The following ECE1 variants were observed in gnomAD, a reference collection of about 807,000 sequenced individuals.
ECE1 encodes endothelin-converting enzyme 1.
In ECE1, 35 loss-of-function variants were observed where a neutral mutation model predicts 98.6. The observed-to-expected ratio is 0.35, with a 90% confidence interval of 0.27 to 0.47. ECE1 has a LOEUF of 0.47. Ranked by LOEUF, ECE1 falls within the 20% of genes least tolerant of loss-of-function variation. ECE1 has a pLI of 1.00. For missense variants in ECE1, 814 were observed against 1,025.3 expected (o/e 0.79, Z 2.81); for synonymous variants, 394 against 407.1 (o/e 0.97, Z 0.39).
intron 8 of ECE1, among the ~76,000 whole-genome samples, chr1:21,253,776 A>C (rs1342703473): frequency 7.6e-6 from 1 of 131,998 alleles, no homozygotes; most frequent in Non-Finnish European, 1.6e-5. Context: ...TTAAAAAAAA[A>C]AAAAGAACCA....
At chr1:21,287,084 G>A (rs1023491443) in intron 2 of ECE1, among the ~76,000 whole-genome samples, 3 of 152,204 alleles carry the variant, frequency 2.0e-5, no homozygotes, top group African/African-American at 7.2e-5. Flanking sequence ...AAAAATGGAA[G>A]TGTTCATTTA....
intron 1 of ECE1, among the ~76,000 whole-genome samples, chr1:21,306,526 G>A (rs957541079): frequency 1.3e-5 from 2 of 152,082 alleles, no homozygotes; most frequent in South Asian, 2.1e-4. Flanking sequence ...TAGTAGGGAC[G>A]GCGTTTCACC....
chr1:21,318,774 GC>G (rs1239927679), intron 1 of ECE1, among the ~76,000 whole-genome samples: 2 of 152,096 alleles, frequency 1.3e-5, no homozygotes, highest in African/African-American at 4.8e-5. Flanking sequence ...GCCTGGCCAG[GC>G]CCCCAGGCAG....
chr1:21,231,638 G>A (rs2103227167), intron 14 of ECE1, among the ~76,000 whole-genome samples: 1 of 152,002 alleles, frequency 6.6e-6, no homozygotes, highest in African/African-American at 2.4e-5. Flanking sequence ...CCCCGTACCT[G>A]GCCAAGAACT....
intron 1 of ECE1, among the ~76,000 whole-genome samples, chr1:21,341,181 A>T (rs1412524619): frequency 1.3e-5 from 2 of 152,252 alleles, no homozygotes; most frequent in African/African-American, 4.8e-5. Flanking sequence ...GACAACAGTA[A>T]TTGCGCTTGT....
intron 1 of ECE1, among the ~76,000 whole-genome samples, chr1:21,318,630 T>C (rs1024003113): frequency 5.3e-5 from 8 of 152,034 alleles, no homozygotes; most frequent in African/African-American, 1.9e-4. Flanking sequence ...CCAGTGAGCC[T>C]TCCTGAGGCC....
intron 13 of ECE1, among the ~76,000 whole-genome samples, chr1:21,234,958 T>C (rs1172759157): frequency 1.3e-5 from 2 of 152,198 alleles, no homozygotes; most frequent in Non-Finnish European, 2.9e-5. Context: ...AGTCTCATGA[T>C]CTCAGAATGA....
At chr1:21,276,041 T>C (rs2098246648) in intron 3 of ECE1, among the ~76,000 whole-genome samples, 1 of 149,454 alleles carries the variant, frequency 6.7e-6, no homozygotes, top group African/African-American at 2.5e-5. Flanking sequence ...TTTTTTTTTT[T>C]TTTTTTTTGA....
chr1:21,234,327 A>G (rs1433964320), intron 13 of ECE1, among the ~76,000 whole-genome samples: 1 of 151,328 alleles, frequency 6.6e-6, no homozygotes, highest in African/African-American at 2.4e-5. Context: ...TGGCTTTTAA[A>G]TTTAATTTAA....
intron 4 of ECE1, among the ~76,000 whole-genome samples, chr1:21,261,006 T>TAGA (rs2098226141): frequency 6.6e-6 from 1 of 152,158 alleles, no homozygotes. Context: ...ACCCGGAGAT[T>TAGA]CTGTTCCCTT....
At chr1:21,277,252 A>T (rs1025626996) in intron 3 of ECE1, among the ~76,000 whole-genome samples, 1 of 152,216 alleles carries the variant, frequency 6.6e-6, no homozygotes, top group Non-Finnish European at 1.5e-5. Context: ...CAGAAGCAGG[A>T]TTCCTCCCAA....
intron 13 of ECE1, among the ~76,000 whole-genome samples, chr1:21,234,026 C>A (rs1194947885): frequency 6.6e-6 from 1 of 151,932 alleles, no homozygotes; most frequent in East Asian, 1.9e-4. Flanking sequence ...CTTGATCTAT[C>A]ATCCAGGCTG....
intron 1 of ECE1, among the ~76,000 whole-genome samples, chr1:21,344,179 G>C (rs534170457): frequency 4.6e-5 from 7 of 152,300 alleles, no homozygotes; most frequent in East Asian, 1.9e-4. Flanking sequence ...GAGATGGGGG[G>C]GCGGGTTGTA....
In ECE1 at chr1:21,298,903, C is replaced by A. The variant is rs866891938; in HGVS notation, c.4-8747G>T. 14 of 456,152 alleles carry A rather than the reference C, an allele frequency of 3.1e-5. 1 individual carries two copies. The highest frequency in any genetic ancestry group is 3.3e-4 in the Middle Eastern group (1 of 3,074). The allele number at this position is 456,152 out of a possible 1,614,324, so 28.3% of individuals were successfully genotyped here. A position where few individuals can be genotyped will look rare whatever the true frequency, so the allele number is the denominator to read the frequency against. On this transcript the variant is annotated intron_variant, in intron 1 of 18. Transcript: ENST00000415912. ...CACTCTGATCTTCTCCAAGCACAAA[C>A]TGCAAAGCAGACCAGAAAGCAGCTG...
At chr1:21,222,597 T>C (rs1371123400) in intron 17 of ECE1, among the ~76,000 whole-genome samples, 1 of 151,950 alleles carries the variant, frequency 6.6e-6, no homozygotes, top group Non-Finnish European at 1.5e-5. Flanking sequence ...TCCCAGCACT[T>C]TGGAAGGCCC....
chr1:21,321,420 C>T (rs1334370569), intron 1 of ECE1, among the ~76,000 whole-genome samples: 1 of 152,206 alleles, frequency 6.6e-6, no homozygotes, highest in Non-Finnish European at 1.5e-5. Flanking sequence ...CCCCAGCAGC[C>T]ATGTCCTGGA....
At chr1:21,286,085 CT>C (rs923826512) in intron 2 of ECE1, among the ~76,000 whole-genome samples, 2 of 151,526 alleles carry the variant, frequency 1.3e-5, no homozygotes, top group Non-Finnish European at 2.9e-5. Flanking sequence ...TCTCACCTTT[CT>C]TTTTTTCTTA....
intron 8 of ECE1, among the ~76,000 whole-genome samples, chr1:21,248,257 G>C (rs2098206841): frequency 6.6e-6 from 1 of 151,304 alleles, no homozygotes; most frequent in Non-Finnish European, 1.5e-5. Flanking sequence ...TGTAACCTCT[G>C]CCTCCAGGGT....
intron 1 of ECE1, among the ~76,000 whole-genome samples, chr1:21,342,126 T>A (rs1487728118): frequency 6.6e-6 from 1 of 152,152 alleles, no homozygotes; most frequent in Non-Finnish European, 1.5e-5. Flanking sequence ...GGCCCTGTTC[T>A]CAACTCAACT....
Sources: allele counts gnomAD v4.1 joint callset (sites outside exome capture counted in the v4.1 genomes callset), GRCh38; gene constraint gnomAD v4.1.1; transcripts MANE v1.5; gene names NCBI Gene and HGNC (gene_info 2026-07-23, HGNC 2026-07-21).